Variants in GPR158 observed in about 807,000 individuals in gnomAD.
The protein encoded by GPR158 is metabotropic glycine receptor.
A neutral mutation model predicts 78.2 loss-of-function variants in GPR158; 30 were observed. The ratio of observed to expected loss-of-function variants is 0.38; its 90% CI spans 0.29 to 0.52. The LOEUF is 0.52. Among genes scored for constraint, GPR158 ranks in the 20% least tolerant of loss-of-function variants. The pLI, the probability that GPR158 is intolerant of heterozygous loss-of-function variation, is 0.83. For missense variants in GPR158, 1,463 were observed against 1,523.5 expected (o/e 0.96, Z 0.66); for synonymous variants, 581 against 591.1 (o/e 0.98, Z 0.25).
intron 2 of GPR158, among the ~76,000 whole-genome samples, chr10:25,372,266 T>C (rs1157323381): frequency 2.0e-5 from 3 of 152,042 alleles, no homozygotes; most frequent in African/African-American, 7.2e-5. Context: ...GGTGGGACTA[T>C]AAACTGGTTC....
At chr10:25,515,834 G>C (rs1040626864) in intron 5 of GPR158, among the ~76,000 whole-genome samples, 1 of 149,722 alleles carries the variant, frequency 6.7e-6, no homozygotes, top group Non-Finnish European at 1.5e-5. Context: ...AAACATACGT[G>C]TGCATGTGTC....
At chr10:25,438,810 G>T (rs559197233) in intron 4 of GPR158, among the ~76,000 whole-genome samples, 3 of 152,248 alleles carry the variant, frequency 2.0e-5, no homozygotes, top group Non-Finnish European at 4.4e-5. Flanking sequence ...GAAGTCAGGG[G>T]TTTATTTCTT....
At chr10:25,422,576 G>T (rs1203846328) in intron 4 of GPR158, among the ~76,000 whole-genome samples, 1 of 148,214 alleles carries the variant, frequency 6.7e-6, no homozygotes, top group African/African-American at 2.5e-5. Flanking sequence ...TCATCTGAAT[G>T]CTTTTTGACT....
At chr10:25,492,025 G>C (rs554182034) in intron 5 of GPR158, among the ~76,000 whole-genome samples, 1 of 152,156 alleles carries the variant, frequency 6.6e-6, no homozygotes, top group Non-Finnish European at 1.5e-5. Context: ...TGTACAAGGA[G>C]CTTGGTGCCA....
At position 25,581,855 on chromosome 10, in the gene GPR158, C is replaced by T. The variant is rs1164221096; in HGVS notation, c.1754-7152C>T. Among the ~76,000 whole-genome samples, 3 of 152,150 alleles carry T rather than the reference C, an allele frequency of 2.0e-5. No homozygotes were observed. In the East Asian group the frequency reaches 5.8e-4, roughly 29 times the overall value. On this transcript the variant is annotated intron_variant, in intron 7 of 10. Coordinates refer to ENST00000376351, the MANE Select transcript of GPR158 (RefSeq NM_020752.3). ...GACAGTGTATTAGTTCATTTTCACA[C>T]TGCTGATAAAGACATACCTGAGACT...
chr10:25,317,730 TG>T lies in GPR158; in HGVS notation c.1009-78180del, dbSNP rs1564420570. ...CTTCGTAAAGTGTTTTTTTTTGTTT[TG>T]TTTTGTTTTGTTTTTGAGACAGAGT... is the stretch of plus-strand genomic sequence containing the variant. On this transcript the variant is annotated intron_variant, in intron 2 of 10. Transcript: ENST00000376351. 2.7e-3 allele frequency among the ~76,000 whole-genome samples: 390 copies of T among 145,024 alleles called. 24 individuals carry two copies. Among genetic ancestry groups the T allele is most frequent in the African/African-American group, 9.7e-3 (347 of 35,664 alleles).
intron 2 of GPR158, among the ~76,000 whole-genome samples, chr10:25,377,819 A>G (rs1564438602): frequency 6.6e-6 from 1 of 152,230 alleles, no homozygotes; most frequent in African/African-American, 2.4e-5. Flanking sequence ...GGCTATTATG[A>G]ATAATGCTAC....
At chr10:25,239,367 G>A (rs1028791128) in intron 2 of GPR158, among the ~76,000 whole-genome samples, 1 of 152,024 alleles carries the variant, frequency 6.6e-6, no homozygotes, top group Non-Finnish European at 1.5e-5. Flanking sequence ...TTGAGAACCC[G>A]AGGCAGGCAG....
At chr10:25,309,245 T>G (rs1458929078) in intron 2 of GPR158, among the ~76,000 whole-genome samples, 1 of 151,464 alleles carries the variant, frequency 6.6e-6, no homozygotes, top group African/African-American at 2.4e-5. Context: ...TTTCAATAGC[T>G]ATCCTAATGG....
intron 2 of GPR158, among the ~76,000 whole-genome samples, chr10:25,303,417 A>T (rs2130451524): frequency 6.6e-6 from 1 of 152,300 alleles, no homozygotes; most frequent in African/African-American, 2.4e-5. Flanking sequence ...TGTATTATCC[A>T]GCATTTTTAC....
chr10:25,554,588 C>T (rs901757231), intron 6 of GPR158, among the ~76,000 whole-genome samples: 8 of 152,044 alleles, frequency 5.3e-5, no homozygotes, highest in Non-Finnish European at 1.0e-4. Context: ...GGGATGAGAA[C>T]GTAAAGGTTT....
chr10:25,273,673 T>A (rs1588769463), intron 2 of GPR158, among the ~76,000 whole-genome samples: 1 of 150,512 alleles, frequency 6.6e-6, no homozygotes, highest in African/African-American at 2.5e-5. Context: ...AGAAAATGGG[T>A]TTTTTTTCTT....
intron 7 of GPR158, among the ~76,000 whole-genome samples, chr10:25,576,049 C>CTGT (rs762537738): frequency 7.0e-6 from 1 of 142,448 alleles, no homozygotes; most frequent in African/African-American, 2.5e-5. Flanking sequence ...TTGAAGAATT[C>CTGT]TGTTGTTGTT....
At chr10:25,437,900 G>T (rs150646257) in intron 4 of GPR158, among the ~76,000 whole-genome samples, 9 of 152,288 alleles carry the variant, frequency 5.9e-5, no homozygotes, top group African/African-American at 1.9e-4. Flanking sequence ...TTAATGATGG[G>T]AGCTTATTTA....
chr10:25,216,401 A>G (rs1337921876), intron 1 of GPR158, among the ~76,000 whole-genome samples: 1 of 152,000 alleles, frequency 6.6e-6, no homozygotes, highest in Non-Finnish European at 1.5e-5. Flanking sequence ...CTTTCCATCA[A>G]TCTATCCAGT....
chr10:25,413,326 G>A (rs539593279), intron 4 of GPR158, among the ~76,000 whole-genome samples: 1 of 152,268 alleles, frequency 6.6e-6, no homozygotes, highest in African/African-American at 2.4e-5. Context: ...GTGAGACCCT[G>A]CCCTGTCTCA....
At chr10:25,291,710 T>C (rs1189209794) in intron 2 of GPR158, among the ~76,000 whole-genome samples, 1 of 151,824 alleles carries the variant, frequency 6.6e-6, no homozygotes, top group Admixed American at 6.6e-5. Flanking sequence ...CTAGACAAAG[T>C]GTTAACATCT....
intron 2 of GPR158, among the ~76,000 whole-genome samples, chr10:25,339,322 A>G (rs2807243): frequency 0.34 from 51,660 of 151,936 alleles, 11,226 homozygotes; most frequent in Non-Finnish European, 0.49. Flanking sequence ...TGCTATTGTA[A>G]TATCTTTAAA....
chr10:25,591,688 A>G (rs551734469), intron 8 of GPR158, among the ~76,000 whole-genome samples: 1 of 152,144 alleles, frequency 6.6e-6, no homozygotes, highest in Non-Finnish European at 1.5e-5. Flanking sequence ...TTGATTTTTT[A>G]GCAAGCTTAA....
Sources: allele counts gnomAD v4.1 joint callset (sites outside exome capture counted in the v4.1 genomes callset), GRCh38; gene constraint gnomAD v4.1.1; transcripts MANE v1.5; gene names NCBI Gene and HGNC (gene_info 2026-07-23, HGNC 2026-07-21).